Variants in ADCY2 observed in about 807,000 individuals in gnomAD.
The protein encoded by ADCY2 is adenylate cyclase 2, also known as adenylate cyclase type 2.
A neutral mutation model predicts 125.2 loss-of-function variants in ADCY2; 31 were observed. That is an observed-to-expected ratio of 0.25 (90% CI 0.19 to 0.33). The LOEUF (loss-of-function observed/expected upper bound fraction) is 0.33. Among genes scored for constraint, ADCY2 ranks in the 10% least tolerant of loss-of-function variants. The pLI is 1.00. For missense variants in ADCY2, 904 were observed against 1,418.2 expected (o/e 0.64, Z 5.82); for synonymous variants, 512 against 548.4 (o/e 0.93, Z 0.93).
At chr5:7,488,486 C>T (rs73046337) in intron 2 of ADCY2, among the ~76,000 whole-genome samples, 5,265 of 152,146 alleles carry the variant, frequency 0.035, 290 homozygotes, top group African/African-American at 0.12. Context: ...TTCCTTGTGC[C>T]CCTGTCCCTC....
At chr5:7,572,942 G>T (rs1736110322) in intron 3 of ADCY2, among the ~76,000 whole-genome samples, 1 of 152,064 alleles carries the variant, frequency 6.6e-6, no homozygotes, top group African/African-American at 2.4e-5. Flanking sequence ...AGTCTTTACA[G>T]AAGTAATTAA....
intron 4 of ADCY2, among the ~76,000 whole-genome samples, chr5:7,679,934 G>T (rs1579308848): frequency 6.6e-6 from 1 of 152,136 alleles, no homozygotes; most frequent in South Asian, 2.1e-4. Context: ...ATAGCCAATG[G>T]CATGTGAGAA....
At chr5:7,448,932 G>T (rs1741376518) in intron 2 of ADCY2, among the ~76,000 whole-genome samples, 1 of 152,072 alleles carries the variant, frequency 6.6e-6, no homozygotes, top group Non-Finnish European at 1.5e-5. Flanking sequence ...CTGCTGTAAT[G>T]GACATATGTG....
At chr5:7,499,901 G>A (rs1452422657) in intron 2 of ADCY2, among the ~76,000 whole-genome samples, 1 of 151,874 alleles carries the variant, frequency 6.6e-6, no homozygotes, top group African/African-American at 2.4e-5. Flanking sequence ...ATCATTAAAT[G>A]TAAATGGGCT....
chr5:7,784,154 CTG>C (rs112626429), intron 18 of ADCY2, among the ~76,000 whole-genome samples: 1,773 of 152,228 alleles, frequency 0.012, 35 homozygotes, highest in African/African-American at 0.04. Flanking sequence ...AGTAGGAAGT[CTG>C]TATGATTTTA....
chr5:7,399,231 T>C (rs1396266918), intron 1 of ADCY2, among the ~76,000 whole-genome samples: 2 of 152,326 alleles, frequency 1.3e-5, no homozygotes, highest in Non-Finnish European at 2.9e-5. Context: ...CTTTCATCAG[T>C]TCTTATAGAA....
chr5:7,802,350 G>C lies in ADCY2; in HGVS notation c.2761G>C (p.Ala921Pro). 6.2e-7 allele frequency: 1 copy of C among 1,614,022 alleles called. No homozygotes were observed. Among genetic ancestry groups the C allele is most frequent in the Non-Finnish European group, 8.5e-7 (1 of 1,179,942 alleles). The change falls in exon 21 of 25, where the codon GCT becomes CCT. Residue 921 changes from alanine (A) to proline (P), a missense_variant. Ala to Pro is a conservative substitution (Grantham distance 27). Coordinates refer to ENST00000338316, the MANE Select transcript of ADCY2 (RefSeq NM_020546.3). This position sits in a 1 kb window ranked among gnomAD's most constrained non-coding sequence, Gnocchi z 4.6. The part of the protein sequence containing the change: ...ECLRLLNEII[A>P]DFDDLLSKPK... ...CCTTCGGCTCCTGAACGAGATCATC[G>C]CTGACTTTGATGATGTAGGTACTGA...
chr5:7,421,417 T>C (rs1450466815), intron 2 of ADCY2, among the ~76,000 whole-genome samples: 1 of 152,230 alleles, frequency 6.6e-6, no homozygotes, highest in Non-Finnish European at 1.5e-5. Flanking sequence ...TGCAGACACA[T>C]CACTCCATCT....
intron 1 of ADCY2, among the ~76,000 whole-genome samples, chr5:7,407,365 T>C (rs1460077439): frequency 2.0e-5 from 3 of 152,136 alleles, no homozygotes; most frequent in Non-Finnish European, 2.9e-5. Flanking sequence ...AGGAAAGAGA[T>C]TTAACTGACT....
chr5:7,723,098 G>C (rs945530097), intron 12 of ADCY2, among the ~76,000 whole-genome samples: 1 of 134,692 alleles, frequency 7.4e-6, no homozygotes, highest in African/African-American at 2.7e-5. Context: ...TGAGAGATGA[G>C]AACACACGGA....
At chr5:7,743,441 G>A (rs900119284) in intron 14 of ADCY2, among the ~76,000 whole-genome samples, 1 of 152,098 alleles carries the variant, frequency 6.6e-6, no homozygotes, top group African/African-American at 2.4e-5. Context: ...TGATGCTTCT[G>A]AGGCAGTTTT....
chr5:7,757,338 T>C, intron 15 of ADCY2, 111 bp from the exon 16 acceptor site: 1 of 1,359,250 alleles, frequency 7.4e-7, no homozygotes, highest in African/African-American at 1.5e-5. Context: ...TCTACATGTT[T>C]AGTCTATGAA....
intron 24 of ADCY2, among the ~76,000 whole-genome samples, chr5:7,823,586 TTA>T (rs1745370470): frequency 6.6e-6 from 1 of 152,194 alleles, no homozygotes; most frequent in South Asian, 2.1e-4. Context: ...ACCCCAGGTC[TTA>T]TCTTGGCAGG....
At chr5:7,731,253 A>ATTT (rs34190695) in intron 14 of ADCY2, among the ~76,000 whole-genome samples, 1 of 136,708 alleles carries the variant, frequency 7.3e-6, no homozygotes, top group Non-Finnish European at 1.6e-5. Context: ...TTCCTTGCAG[A>ATTT]TTTTTTTTTT....
At chr5:7,795,827 T>C (rs1212458989) in intron 20 of ADCY2, 1 of 152,180 alleles carries the variant, frequency 6.6e-6, no homozygotes, top group African/African-American at 2.4e-5. Flanking sequence ...GTTTACACTA[T>C]ACTGTATGTT....
At position 7,485,125 on chromosome 5, in the gene ADCY2, T is replaced by C. The variant is rs531125152; in HGVS notation, c.409-35613T>C. The stretch of plus-strand genomic sequence containing the variant: ...TCACTAACTAAATTCAGTGGACCAA[T>C]TATCAGCCCTCTTTATACCTGCTGT... On this transcript the variant is annotated intron_variant, in intron 2 of 24. Transcript: ENST00000338316. Among the ~76,000 whole-genome samples the C allele has an allele frequency of 5.3e-5, 8 of 152,314 alleles. No homozygotes were observed. In the South Asian group the frequency reaches 1.2e-3, roughly 24 times the overall value.
rs148811842 is a variant in ADCY2, at chr5:7,761,189, A to G, written c.2094+3603A>G. Among the ~76,000 whole-genome samples, 5 of 108,100 alleles carry G rather than the reference A, an allele frequency of 4.6e-5. No individual in the cohort carries two copies. In the East Asian group the frequency reaches 1.4e-3, roughly 31 times the overall value. The allele number at this position is 108,100 out of a possible 152,430, so 70.9% of individuals were successfully genotyped here. A position where few individuals can be genotyped will look rare whatever the true frequency, so the allele number is the denominator to read the frequency against. Reference sequence around the variant, plus strand: ...TTTTGAGATGGAGTCTCGCCCTGTCACCCAGGCTGGAGTGCAATGGGGTGA... The same window carrying G: ...TTTTGAGATGGAGTCTCGCCCTGTCGCCCAGGCTGGAGTGCAATGGGGTGA... On this transcript the variant is annotated intron_variant, in intron 16 of 24. Transcript: ENST00000338316.
At chr5:7,413,796 T>C (rs1739826010) in intron 1 of ADCY2, among the ~76,000 whole-genome samples, 1 of 152,036 alleles carries the variant, frequency 6.6e-6, no homozygotes. Context: ...GTATGTGGAG[T>C]TGAACTTGTG....
At chr5:7,426,418 T>C (rs954739001) in intron 2 of ADCY2, among the ~76,000 whole-genome samples, 1 of 152,164 alleles carries the variant, frequency 6.6e-6, no homozygotes, top group Non-Finnish European at 1.5e-5. Context: ...CGAGAATGGC[T>C]CTCTGCTCCC....
Sources: allele counts gnomAD v4.1 joint callset (sites outside exome capture counted in the v4.1 genomes callset), GRCh38; gene constraint gnomAD v4.1.1; non-coding constraint Gnocchi (gnomAD v3.1); transcripts MANE v1.5; gene names NCBI Gene and HGNC (gene_info 2026-07-23, HGNC 2026-07-21).